TMEM117: variants seen among roughly 807,000 people sequenced by gnomAD.
The protein encoded by TMEM117 is transmembrane protein 117.
Under a neutral mutation model 52.4 loss-of-function variants are expected in TMEM117, and 27 were observed. The ratio of observed to expected loss-of-function variants is 0.51; its 90% CI spans 0.38 to 0.71. TMEM117 has a LOEUF of 0.71. TMEM117 is among the 30% of genes least tolerant of loss of function. TMEM117 has a pLI of 0.00. For synonymous variants in TMEM117, 215 were observed against 206.3 expected (o/e 1.04, Z -0.36); for missense variants, 556 against 630.5 (o/e 0.88, Z 1.26).
At chr12:43,847,877 C>T (rs112105382) in intron 2 of TMEM117, among the ~76,000 whole-genome samples, 11,673 of 151,986 alleles carry the variant, frequency 0.077, 734 homozygotes, top group African/African-American at 0.17. Flanking sequence ...AAGTGTTGGC[C>T]GGCTGAGAAA....
intron 3 of TMEM117, among the ~76,000 whole-genome samples, chr12:44,053,637 C>G (rs1359618537): frequency 2.0e-5 from 3 of 152,146 alleles, no homozygotes; most frequent in Non-Finnish European, 1.5e-5. Flanking sequence ...CTCCCCACCC[C>G]ACATCCATGA....
At chr12:44,056,282 A>C (rs73089764) in intron 3 of TMEM117, among the ~76,000 whole-genome samples, 7,905 of 152,130 alleles carry the variant, frequency 0.052, 289 homozygotes, top group Non-Finnish European at 0.08. Flanking sequence ...TATATTAACA[A>C]ATTGCTTTTT....
intron 6 of TMEM117, among the ~76,000 whole-genome samples, chr12:44,308,710 C>G (rs1950934629): frequency 6.6e-6 from 1 of 151,846 alleles, no homozygotes; most frequent in Non-Finnish European, 1.5e-5. Flanking sequence ...AGCTCCGCCT[C>G]CCGGGTTCAC....
At chr12:43,996,568 G>T (rs1481884668) in intron 3 of TMEM117, among the ~76,000 whole-genome samples, 1 of 151,982 alleles carries the variant, frequency 6.6e-6, no homozygotes, top group Non-Finnish European at 1.5e-5. Context: ...GCGTGAACCT[G>T]GGAGGAGGAG....
chr12:44,275,249 T>C (rs1189414695), intron 5 of TMEM117, among the ~76,000 whole-genome samples: 2 of 152,158 alleles, frequency 1.3e-5, no homozygotes, highest in Non-Finnish European at 2.9e-5. Context: ...TGCAGTGAGA[T>C]GTCGTCTCAC....
At chr12:44,234,709 A>G (rs1374702126) in intron 5 of TMEM117, among the ~76,000 whole-genome samples, 2 of 151,308 alleles carry the variant, frequency 1.3e-5, no homozygotes, top group East Asian at 3.9e-4. Flanking sequence ...TCTTTTTCAT[A>G]TATGCATTTC....
chr12:43,836,090 GC>G lies in TMEM117; in HGVS notation c.-133del, dbSNP rs1282621180. On this transcript the variant is annotated 5_prime_UTR_variant, in exon 1 of 8. Transcript: ENST00000266534. ...TGACAGCAGCAGCGGCAGCGACGCC[GC>G]CGGCCCGTCTCGCCGCGCTTCCCAG... The G allele has an allele frequency of 6.6e-6, 1 of 151,776 alleles. No homozygotes were observed. Among genetic ancestry groups the G allele is most frequent in the African/African-American group, 2.4e-5 (1 of 41,382 alleles). The allele number at this position is 151,776 out of a possible 1,614,324, so 9.4% of individuals were successfully genotyped here.
At chr12:43,963,397 C>T (rs948490290) in intron 3 of TMEM117, among the ~76,000 whole-genome samples, 1 of 152,120 alleles carries the variant, frequency 6.6e-6, no homozygotes, top group Non-Finnish European at 1.5e-5. Context: ...ATTTTGAACC[C>T]TACAGAGGCA....
chr12:44,120,302 G>A (rs1948212569), intron 3 of TMEM117, among the ~76,000 whole-genome samples: 1 of 152,094 alleles, frequency 6.6e-6, no homozygotes, highest in Admixed American at 6.6e-5. Flanking sequence ...GCCAACTAAG[G>A]CCACTGAAAA....
intron 2 of TMEM117, among the ~76,000 whole-genome samples, chr12:43,872,176 G>A (rs919950807): frequency 6.6e-5 from 10 of 152,196 alleles, no homozygotes; most frequent in South Asian, 4.1e-4. Context: ...CCTTTTTAGC[G>A]GAGTGAGATG....
In TMEM117 at chr12:43,970,469, TA is replaced by T. The variant is rs537598626; in HGVS notation, c.410+26128del. Among the ~76,000 whole-genome samples the T allele has an allele frequency of 1.2e-4, 19 of 152,172 alleles. No individual in the cohort carries two copies. In the East Asian group the frequency reaches 3.5e-3, roughly 28 times the overall value. On this transcript the variant is annotated intron_variant, in intron 3 of 7. Coordinates refer to ENST00000266534, the MANE Select transcript of TMEM117 (RefSeq NM_032256.3). ...ACACCTGGCTAATACTTTATATTTT[TA>T]GTAGAGACAGGGTTTCGCCATGTTA...
intron 2 of TMEM117, among the ~76,000 whole-genome samples, chr12:43,913,301 A>G (rs1412524317): frequency 6.6e-6 from 1 of 152,190 alleles, no homozygotes; most frequent in Admixed American, 6.5e-5. Flanking sequence ...TCTTCACCAC[A>G]GGAAAGTGCC....
intron 4 of TMEM117, among the ~76,000 whole-genome samples, chr12:44,156,498 T>C (rs1430237558): frequency 6.6e-6 from 1 of 152,078 alleles, no homozygotes; most frequent in Non-Finnish European, 1.5e-5. Flanking sequence ...GATGCCTGTG[T>C]CTCACTCTGG....
At chr12:44,055,586 A>G (rs922621395) in intron 3 of TMEM117, among the ~76,000 whole-genome samples, 15 of 152,194 alleles carry the variant, frequency 9.9e-5, no homozygotes, top group African/African-American at 3.4e-4. Context: ...GCTGTGTGGC[A>G]TCAGGTAGGT....
chr12:43,999,331 C>T (rs1297531907), intron 3 of TMEM117, among the ~76,000 whole-genome samples: 1 of 152,180 alleles, frequency 6.6e-6, no homozygotes, highest in East Asian at 1.9e-4. Flanking sequence ...GAAAAACTTT[C>T]TTGTGACCAT....
chr12:44,139,871 T>C (rs1441922543), intron 3 of TMEM117, among the ~76,000 whole-genome samples: 1 of 152,150 alleles, frequency 6.6e-6, no homozygotes, highest in African/African-American at 2.4e-5. Flanking sequence ...GATATAAATA[T>C]ATGCCTGTCT....
At chr12:44,242,826 G>C (rs1157053908) in intron 5 of TMEM117, among the ~76,000 whole-genome samples, 1 of 151,050 alleles carries the variant, frequency 6.6e-6, no homozygotes, top group Non-Finnish European at 1.5e-5. Context: ...TTAGCTCTTT[G>C]AGGAATCACC....
At chr12:44,197,235 A>G (rs1330959020) in intron 4 of TMEM117, among the ~76,000 whole-genome samples, 1 of 152,058 alleles carries the variant, frequency 6.6e-6, no homozygotes, top group Admixed American at 6.5e-5. Flanking sequence ...TCCTTTGTGG[A>G]TAATATTTTT....
intron 3 of TMEM117, among the ~76,000 whole-genome samples, chr12:43,997,724 A>G (rs1182376954): frequency 6.6e-6 from 1 of 152,136 alleles, no homozygotes; most frequent in African/African-American, 2.4e-5. Context: ...TATCTCATCT[A>G]AGTTTTACTA....
Sources: gnomAD v4.1 joint callset for allele counts (sites outside exome capture counted in the v4.1 genomes callset) on GRCh38, gnomAD v4.1.1 for gene constraint, MANE v1.5 for transcripts, NCBI Gene and HGNC (gene_info 2026-07-23, HGNC 2026-07-21) for gene names.